DRD3: variants seen among roughly 807,000 people sequenced by gnomAD.
DRD3 encodes the protein dopamine receptor D3, also known as D(3) dopamine receptor.
In DRD3, 19 loss-of-function variants were observed where a neutral mutation model predicts 36.3. The observed-to-expected ratio is 0.52, with a 90% confidence interval of 0.36 to 0.77. The LOEUF is 0.77. Ranked by LOEUF, DRD3 falls within the 30% of genes least tolerant of loss-of-function variation. The probability of loss-of-function intolerance (pLI) is 0.00; values close to 1 mark genes in which losing one functional copy is unlikely to be tolerated. For missense variants in DRD3, 465 were observed against 505.3 expected, an observed-to-expected ratio of 0.92 and a Z score of 0.77; for synonymous variants, 195 against 203.7, an observed-to-expected ratio of 0.96 and a Z score of 0.36.
intron 3 of DRD3, among the ~76,000 whole-genome samples, chr3:114,148,872 C>G (rs976827005): frequency 2.6e-5 from 4 of 152,102 alleles, no homozygotes; most frequent in Non-Finnish European, 5.9e-5. Flanking sequence ...GCCAACATGC[C>G]TGGCTAATTT....
At chr3:114,164,809 T>A (rs1201964049) in intron 2 of DRD3, among the ~76,000 whole-genome samples, 1 of 152,260 alleles carries the variant, frequency 6.6e-6, no homozygotes, top group Middle Eastern at 3.2e-3. Context: ...TGGAGTGCAG[T>A]GGCACAATCT....
At chr3:114,156,930 TC>T in intron 3 of DRD3, among the ~76,000 whole-genome samples, 1 of 147,924 alleles carries the variant, frequency 6.8e-6, no homozygotes, top group African/African-American at 2.5e-5. Flanking sequence ...CTTCCTTCCT[TC>T]TCTTTCTTTC....
chr3:114,141,551 C>G (rs1184001914), intron 4 of DRD3, among the ~76,000 whole-genome samples: 1 of 151,994 alleles, frequency 6.6e-6, no homozygotes, highest in Non-Finnish European at 1.5e-5. Context: ...TTATAGGGAG[C>G]AATATTTGTG....
chr3:114,143,506 G>A (rs1372656818), intron 4 of DRD3, among the ~76,000 whole-genome samples: 1 of 152,246 alleles, frequency 6.6e-6, no homozygotes, highest in Non-Finnish European at 1.5e-5. Context: ...GATGTGGACA[G>A]CTTGGCTCAG....
chr3:114,145,058 T>C (rs2077558856), intron 4 of DRD3, among the ~76,000 whole-genome samples: 1 of 151,822 alleles, frequency 6.6e-6, no homozygotes, highest in South Asian at 2.1e-4. Context: ...GTTTCCAGTG[T>C]GGTGTGTCTG....
At chr3:114,161,625 T>A (rs997133581) in intron 2 of DRD3, among the ~76,000 whole-genome samples, 3 of 152,208 alleles carry the variant, frequency 2.0e-5, no homozygotes, top group Admixed American at 6.5e-5. Flanking sequence ...ATTTACTGTC[T>A]CTCTTTTAGT....
chr3:114,171,807 A>G lies in DRD3; in HGVS notation c.186T>C (p.Thr62=). The G allele has an allele frequency of 1.2e-6, 2 of 1,614,076 alleles. No individual in the cohort carries two copies. Among genetic ancestry groups the G allele is most frequent in the Non-Finnish European group, 1.7e-6 (2 of 1,179,962 alleles). The change falls in exon 2 of 7, where the codon ACT becomes ACC. Residue 62 remains threonine, a synonymous_variant. Coordinates refer to ENST00000383673, the MANE Select transcript of DRD3 (RefSeq NM_000796.6). ...GGCTCACTACTAAGTAGTTGGTGGTAGTCTGCAGGGCCCGCTCCTTCAGCA... is the reference window on the plus strand; with the variant it reads ...GGCTCACTACTAAGTAGTTGGTGGTGGTCTGCAGGGCCCGCTCCTTCAGCA... ...MAVLKERALQ[T]TTNYLVVSLA...
chr3:114,196,960 AT>A (rs1004730306), intron 1 of DRD3, among the ~76,000 whole-genome samples: 34 of 150,120 alleles, frequency 2.3e-4, no homozygotes, highest in African/African-American at 7.8e-4. Context: ...TCTTTTTTAA[AT>A]TTATTTTTAT....
intron 4 of DRD3, among the ~76,000 whole-genome samples, chr3:114,144,599 G>A (rs187077012): frequency 1.6e-4 from 24 of 152,312 alleles, no homozygotes; most frequent in East Asian, 3.9e-4. Flanking sequence ...AGGAAGGGGC[G>A]ACTGATCTCT....
intron 3 of DRD3, among the ~76,000 whole-genome samples, chr3:114,156,806 CTTTTTCTTTCTTT>C (rs1405576086): frequency 7.1e-5 from 7 of 98,126 alleles, no homozygotes; most frequent in African/African-American, 2.7e-4. Context: ...TTTCTCTTTT[CTTTTTCTTTCTTT>C]TTTCTTTCTT....
upstream of DRD3, among the ~76,000 whole-genome samples, chr3:114,183,760 T>TG (rs2077960389): frequency 6.6e-6 from 1 of 152,148 alleles, no homozygotes; most frequent in Non-Finnish European, 1.5e-5. Context: ...TTTTGGTTAC[T>TG]ATTTGCATGA....
At chr3:114,138,712 T>C (rs2077497217) in intron 5 of DRD3, among the ~76,000 whole-genome samples, 1 of 152,196 alleles carries the variant, frequency 6.6e-6, no homozygotes, top group Non-Finnish European at 1.5e-5. Context: ...TTAATTGTCT[T>C]CACCTCACAT....
chr3:114,169,713 T>C (rs914421395), intron 2 of DRD3, among the ~76,000 whole-genome samples: 2 of 152,276 alleles, frequency 1.3e-5, no homozygotes, highest in Non-Finnish European at 2.9e-5. Context: ...TGCCCTTCTA[T>C]GCTCAGTAGT....
At chr3:114,144,717 C>G (rs1396355239) in intron 4 of DRD3, among the ~76,000 whole-genome samples, 2 of 152,160 alleles carry the variant, frequency 1.3e-5, no homozygotes, top group Non-Finnish European at 2.9e-5. Flanking sequence ...ATCTACTGAG[C>G]TCTTACAATG....
In DRD3 at chr3:114,128,208, C is replaced by A. The variant is rs1416102748; in HGVS notation, c.*508G>T. 6.6e-6 allele frequency among the ~76,000 whole-genome samples: 1 copy of A among 152,154 alleles called. No individual in the cohort carries two copies. The highest frequency in any genetic ancestry group is 1.5e-5 in the Non-Finnish European group (1 of 68,038). On this transcript the variant is annotated 3_prime_UTR_variant, in exon 7 of 7. Transcript: ENST00000383673. Reference sequence around the variant, plus strand: ...TTCTACAGAGAGGTAGAAGCACTGGCCTTGCCATTCACAGTTCCAGATACA... The same window carrying A: ...TTCTACAGAGAGGTAGAAGCACTGGACTTGCCATTCACAGTTCCAGATACA...
At position 114,139,665 on chromosome 3, in the gene DRD3, A is replaced by G. The variant is rs771450725; in HGVS notation, c.558T>C (p.Pro186=). 1.2e-6 allele frequency: 2 copies of G among 1,614,044 alleles called. No homozygotes were observed. Among genetic ancestry groups the G allele is most frequent in the East Asian group, 2.2e-5 (1 of 44,894 alleles). The change falls in exon 5 of 7, where the codon CCT becomes CCC. Residue 186 remains proline (P), a synonymous_variant. Transcript: ENST00000383673. ...GDPTVCSISN[P]DFVIYSSVVS... ...CCACTGAAGAGTAGATGACAAAATCAGGGTTGGAGATGGAGCAGACAGTGG... is the reference window on the plus strand; with the variant it reads ...CCACTGAAGAGTAGATGACAAAATCGGGGTTGGAGATGGAGCAGACAGTGG...
At chr3:114,135,659 A>C (rs2077468108) in intron 5 of DRD3, among the ~76,000 whole-genome samples, 1 of 151,946 alleles carries the variant, frequency 6.6e-6, no homozygotes, top group Non-Finnish European at 1.5e-5. Context: ...AACAGAGATT[A>C]TGGTGTGTTT....
chr3:114,190,411 A>AACATATATATATATATAT (rs1368425474), intron 1 of DRD3, among the ~76,000 whole-genome samples: 1 of 40,870 alleles, frequency 2.4e-5, no homozygotes, highest in Non-Finnish European at 4.3e-5. Flanking sequence ...GAAAAAGGAT[A>AACATATATATATATATAT]ATATATATAT....
intron 5 of DRD3, among the ~76,000 whole-genome samples, chr3:114,138,998 CT>C (rs1359610076): frequency 6.6e-6 from 1 of 152,156 alleles, no homozygotes; most frequent in Non-Finnish European, 1.5e-5. Flanking sequence ...TTTTCAGAGC[CT>C]AGAAAGATCC....
Sources: allele counts gnomAD v4.1 joint callset (sites outside exome capture counted in the v4.1 genomes callset), GRCh38; gene constraint gnomAD v4.1.1; transcripts MANE v1.5; gene names NCBI Gene and HGNC (gene_info 2026-07-23, HGNC 2026-07-21).